SPON1: variants seen among roughly 807,000 people sequenced by gnomAD.
The protein encoded by SPON1 is spondin-1.
In SPON1, 52 loss-of-function variants were observed where a neutral mutation model predicts 111.7. The observed-to-expected ratio is 0.47, with a 90% CI of 0.37 to 0.59. The LOEUF (loss-of-function observed/expected upper bound fraction) is 0.59. Among genes scored for constraint, SPON1 ranks in the 20% least tolerant of loss-of-function variants. The pLI is 0.00. For synonymous variants in SPON1, 410 were observed against 395.8 expected (o/e 1.04, Z -0.43); for missense variants, 957 against 1,068.5 (o/e 0.90, Z 1.46).
intron 2 of SPON1, among the ~76,000 whole-genome samples, chr11:14,007,701 G>A (rs187811488): frequency 8.5e-5 from 13 of 152,280 alleles, no homozygotes; most frequent in Admixed American, 4.6e-4. Flanking sequence ...AAGCTCAGGC[G>A]GTAATGCTGG....
At chr11:14,160,909 ATATATATTTATATATT>A (rs1356534738) in intron 6 of SPON1, among the ~76,000 whole-genome samples, 7 of 55,418 alleles carry the variant, frequency 1.3e-4, no homozygotes, top group Non-Finnish European at 1.8e-4. Context: ...ATATATTTAT[ATATATATTTATATATT>A]TATATATTTA....
intron 10 of SPON1, among the ~76,000 whole-genome samples, chr11:14,256,936 T>C (rs537806717): frequency 6.6e-6 from 1 of 152,170 alleles, no homozygotes; most frequent in Non-Finnish European, 1.5e-5. Flanking sequence ...AAAACAATCA[T>C]GTAAATCTCA....
At chr11:14,224,781 G>A (rs1554937963) in intron 6 of SPON1, 4 of 493,924 alleles carry the variant, frequency 8.1e-6, no homozygotes, top group Middle Eastern at 3.3e-4. Context: ...AAGTAGGTGG[G>A]GCCAAAGGGT....
chr11:14,092,715 T>C (rs1849069253), intron 5 of SPON1, among the ~76,000 whole-genome samples: 1 of 152,140 alleles, frequency 6.6e-6, no homozygotes, highest in Non-Finnish European at 1.5e-5. Context: ...TCTCTGCTTG[T>C]CATCTGGAAA....
intron 2 of SPON1, among the ~76,000 whole-genome samples, chr11:13,997,488 G>A (rs770666584): frequency 1.6e-4 from 24 of 152,180 alleles, no homozygotes; most frequent in Non-Finnish European, 2.6e-4. Flanking sequence ...CACAGTGCCT[G>A]GACATAAGGG....
chr11:13,988,268 C>T (rs983142823), intron 2 of SPON1, among the ~76,000 whole-genome samples: 5 of 152,184 alleles, frequency 3.3e-5, no homozygotes, highest in Non-Finnish European at 5.9e-5. Flanking sequence ...AGGTCCTTCA[C>T]ATCCCTTTTA....
At chr11:14,202,568 C>T (rs1487164952) in intron 6 of SPON1, among the ~76,000 whole-genome samples, 2 of 152,184 alleles carry the variant, frequency 1.3e-5, no homozygotes, top group Non-Finnish European at 2.9e-5. Context: ...AGTCAGTCTC[C>T]AGGACTCTGT....
intron 5 of SPON1, among the ~76,000 whole-genome samples, chr11:14,134,777 C>T (rs1415995609): frequency 6.6e-6 from 1 of 152,196 alleles, no homozygotes; most frequent in Non-Finnish European, 1.5e-5. Flanking sequence ...TTATATCACT[C>T]CTCTGCCAGA....
At chr11:14,100,374 A>ACTTT (rs1228231917) in intron 5 of SPON1, among the ~76,000 whole-genome samples, 5 of 151,168 alleles carry the variant, frequency 3.3e-5, no homozygotes, top group Non-Finnish European at 5.9e-5. Flanking sequence ...TTCTGATTGT[A>ACTTT]CTTTCTCATT....
At chr11:14,017,301 A>G (rs538645421) in intron 2 of SPON1, among the ~76,000 whole-genome samples, 4 of 152,350 alleles carry the variant, frequency 2.6e-5, no homozygotes, top group Non-Finnish European at 5.9e-5. Flanking sequence ...CTCATATTCT[A>G]AAGATCCCCA....
Position 13,963,024 on chromosome 11 carries a change from A to G in SPON1, c.120A>G (p.Ser40=). Residue 40 remains serine (S), a synonymous_variant, in exon 1 of 16, where the codon TCA becomes TCG. Coordinates refer to ENST00000576479, the MANE Select transcript of SPON1 (RefSeq NM_006108.4). ...SDETLDKVPK[S]EGYCSRILRA... is the part of the protein sequence containing the mutation. ...AGACCCTGGACAAAGTGCCCAAGTC[A>G]GAGGGCTACTGCAGCCGTATCCTGC... The G allele has an allele frequency of 6.3e-7, 1 of 1,591,490 alleles. No homozygotes were observed. The highest frequency in any genetic ancestry group is 1.1e-5 in the South Asian group (1 of 87,444).
chr11:14,265,194 C>T (rs1554942330), intron 15 of SPON1, among the ~76,000 whole-genome samples: 2 of 152,152 alleles, frequency 1.3e-5, no homozygotes. Flanking sequence ...GCCAGGCTTG[C>T]TTACATGGTA....
At chr11:14,026,574 G>T (rs113129450) in intron 2 of SPON1, among the ~76,000 whole-genome samples, 1 of 152,166 alleles carries the variant, frequency 6.6e-6, no homozygotes, top group Non-Finnish European at 1.5e-5. Flanking sequence ...TTCTCAAGGC[G>T]AGGGGGTGGG....
At chr11:14,186,543 G>A (rs1315780078) in intron 6 of SPON1, among the ~76,000 whole-genome samples, 1 of 152,140 alleles carries the variant, frequency 6.6e-6, no homozygotes, top group East Asian at 1.9e-4. Context: ...CTTTGACTCT[G>A]TACCTTTAAC....
intron 6 of SPON1, among the ~76,000 whole-genome samples, chr11:14,136,308 C>T (rs1364651809): frequency 6.6e-6 from 1 of 152,194 alleles, no homozygotes. Flanking sequence ...GCCTGTCCAG[C>T]CTGAGAGAGC....
At chr11:14,023,455 T>C (rs1288848646) in intron 2 of SPON1, among the ~76,000 whole-genome samples, 2 of 152,142 alleles carry the variant, frequency 1.3e-5, no homozygotes, top group African/African-American at 4.8e-5. Context: ...AAGTGTGTAG[T>C]AGATAATTAA....
intron 1 of SPON1, among the ~76,000 whole-genome samples, chr11:13,978,666 C>A (rs1485225563): frequency 1.3e-5 from 2 of 152,090 alleles, no homozygotes; most frequent in Admixed American, 6.5e-5. Context: ...AAAAGGCATG[C>A]AGGTCTTTAT....
chr11:13,968,082 G>T (rs977659346), intron 1 of SPON1, among the ~76,000 whole-genome samples: 5 of 152,180 alleles, frequency 3.3e-5, no homozygotes, highest in Non-Finnish European at 7.3e-5. Flanking sequence ...CTATGGGCTG[G>T]TATATCAGGA....
At chr11:14,034,054 A>G (rs958180385) in intron 2 of SPON1, among the ~76,000 whole-genome samples, 3 of 152,190 alleles carry the variant, frequency 2.0e-5, no homozygotes, top group African/African-American at 7.2e-5. Flanking sequence ...GCATATACCT[A>G]TCATCCAAGC....
Sources: allele counts gnomAD v4.1 joint callset (sites outside exome capture counted in the v4.1 genomes callset), GRCh38; gene constraint gnomAD v4.1.1; transcripts MANE v1.5; gene names NCBI Gene and HGNC (gene_info 2026-07-23, HGNC 2026-07-21).